The following AOPEP variants were observed in gnomAD, a reference collection of about 807,000 sequenced individuals.
The protein encoded by AOPEP is aminopeptidase O.
A neutral mutation model predicts 98.1 loss-of-function variants in AOPEP; 77 were observed. That is an observed-to-expected ratio of 0.78 (90% CI 0.65 to 0.95). The LOEUF is 0.95. Ranked by LOEUF, AOPEP falls within the 40% of genes least tolerant of loss-of-function variation. The pLI is 0.00. For synonymous variants in AOPEP, 346 were observed against 365.3 expected (o/e 0.95, Z 0.60); for missense variants, 1,024 against 1,024.7 (o/e 1.00, Z 0.01).
the AOPEP span, among the ~76,000 whole-genome samples, chr9:95,146,235 C>T: frequency 6.6e-6 from 1 of 151,510 alleles, no homozygotes; most frequent in African/African-American, 2.4e-5. Flanking sequence ...GCCTATAATC[C>T]CAACATTTTG....
intron 5 of AOPEP, among the ~76,000 whole-genome samples, chr9:94,806,861 G>A (rs1350706350): frequency 6.6e-6 from 1 of 152,142 alleles, no homozygotes; most frequent in East Asian, 1.9e-4. Flanking sequence ...TTTTTACAGA[G>A]CGGGTATTAA....
chr9:95,144,962 G>A, the AOPEP span, among the ~76,000 whole-genome samples: 2 of 152,072 alleles, frequency 1.3e-5, no homozygotes, highest in Admixed American at 6.5e-5. Context: ...TTTGACAGAA[G>A]GTTTAAGAGT....
At chr9:94,950,887 C>G (rs2137831068) in intron 7 of AOPEP, among the ~76,000 whole-genome samples, 1 of 152,338 alleles carries the variant, frequency 6.6e-6, no homozygotes, top group Non-Finnish European at 1.5e-5. Context: ...GAGGCATTTT[C>G]TCAAATCCCA....
intron 5 of AOPEP, among the ~76,000 whole-genome samples, chr9:94,862,020 C>T (rs562798862): frequency 6.6e-6 from 1 of 152,296 alleles, no homozygotes; most frequent in African/African-American, 2.4e-5. Context: ...ATCCTGTGAT[C>T]GTGGCTAGTT....
intron 14 of AOPEP, among the ~76,000 whole-genome samples, chr9:95,076,595 AATAT>A (rs2069098812): frequency 6.6e-6 from 1 of 152,220 alleles, no homozygotes; most frequent in Non-Finnish European, 1.5e-5. Context: ...ATATAAAGTA[AATAT>A]ATATCCTTAT....
the AOPEP span, chr9:95,114,552 G>T: frequency 7.9e-7 from 1 of 1,273,704 alleles, no homozygotes. Flanking sequence ...TCCTCTGTCA[G>T]CCCTGCTCAA....
chr9:94,787,475 T>C (rs1844689231), intron 3 of AOPEP, among the ~76,000 whole-genome samples: 2 of 152,240 alleles, frequency 1.3e-5, no homozygotes, highest in Admixed American at 1.3e-4. Context: ...GCCCATGGAC[T>C]ACGTGGATGG....
chr9:94,851,060 A>G (rs2043486932), intron 5 of AOPEP, among the ~76,000 whole-genome samples: 1 of 152,188 alleles, frequency 6.6e-6, no homozygotes, highest in Non-Finnish European at 1.5e-5. Flanking sequence ...CAGCCAAGAA[A>G]ATGACGGAGA....
At chr9:94,772,268 T>A (rs1841066019) in intron 2 of AOPEP, among the ~76,000 whole-genome samples, 2 of 152,244 alleles carry the variant, frequency 1.3e-5, no homozygotes. Context: ...AGAATCTTTA[T>A]CTTTGTCAAC....
At chr9:94,880,686 TA>T (rs1455818269) in intron 5 of AOPEP, among the ~76,000 whole-genome samples, 1 of 152,212 alleles carries the variant, frequency 6.6e-6, no homozygotes, top group Non-Finnish European at 1.5e-5. Context: ...CAAAATTGTG[TA>T]CTACTCTAAA....
chr9:95,144,910 G>T, the AOPEP span, among the ~76,000 whole-genome samples: 1,642 of 152,144 alleles, frequency 0.011, 18 homozygotes, highest in Non-Finnish European at 0.016. Context: ...CAAACATAAC[G>T]CTCGGACTCC....
At chr9:94,783,545 C>T (rs1843741920) in intron 3 of AOPEP, among the ~76,000 whole-genome samples, 2 of 151,296 alleles carry the variant, frequency 1.3e-5, no homozygotes, top group Non-Finnish European at 1.5e-5. Flanking sequence ...AAGGTGTAGA[C>T]GCGGCATCTG....
chr9:95,069,298 C>T (rs1192608375), intron 14 of AOPEP, among the ~76,000 whole-genome samples: 1 of 152,166 alleles, frequency 6.6e-6, no homozygotes. Context: ...GGGAAGGGGA[C>T]GAGTGTCTGC....
At chr9:94,774,311 C>CAAAAAAAA (rs34936539) in intron 3 of AOPEP, among the ~76,000 whole-genome samples, 1 of 67,816 alleles carries the variant, frequency 1.5e-5, no homozygotes, top group Non-Finnish European at 2.7e-5. Flanking sequence ...GACTCCATCT[C>CAAAAAAAA]AAAAAAAAAA....
chr9:94,873,676 AATTT>A (rs2046595162), intron 5 of AOPEP, among the ~76,000 whole-genome samples: 2 of 152,250 alleles, frequency 1.3e-5, no homozygotes, highest in South Asian at 4.1e-4. Context: ...TTAAAGAACA[AATTT>A]AGTTTCCTTT....
chr9:95,107,711 T>C, the AOPEP span, among the ~76,000 whole-genome samples: 1 of 152,060 alleles, frequency 6.6e-6, no homozygotes, highest in Non-Finnish European at 1.5e-5. Flanking sequence ...TCTTGCTATA[T>C]TGGGGGTCAG....
intron 5 of AOPEP, among the ~76,000 whole-genome samples, chr9:94,919,676 G>A (rs1392094366): frequency 2.0e-5 from 3 of 152,096 alleles, no homozygotes; most frequent in African/African-American, 7.2e-5. Context: ...TAAGAGGGGT[G>A]GAGCGACAGT....
the AOPEP span, among the ~76,000 whole-genome samples, chr9:95,149,073 A>T: frequency 6.8e-6 from 1 of 147,056 alleles, no homozygotes; most frequent in Non-Finnish European, 1.5e-5. Context: ...TTTGTCAAAC[A>T]TTTTTTTTTT....
intron 5 of AOPEP, chr9:94,904,653 T>A (rs1263994691): frequency 1.3e-5 from 2 of 152,250 alleles, no homozygotes; most frequent in Non-Finnish European, 2.9e-5. Context: ...TCTCTGGGAC[T>A]TCACTTTTGT....
Sources: gnomAD v4.1 joint callset for allele counts (sites outside exome capture counted in the v4.1 genomes callset) on GRCh38, gnomAD v4.1.1 for gene constraint, MANE v1.5 for transcripts, NCBI Gene and HGNC (gene_info 2026-07-23, HGNC 2026-07-21) for gene names.